C10orf67: variants seen among roughly 807,000 people sequenced by gnomAD.
C10orf67 encodes the protein chromosome 10 open reading frame 67, also known as uncharacterized protein C10orf67, mitochondrial.
In C10orf67, 60 loss-of-function variants were observed where a neutral mutation model predicts 35.6. That is an observed-to-expected ratio of 1.68 (90% CI 1.37 to 2.09). C10orf67 has a LOEUF of 2.09. Ranked by LOEUF, C10orf67 falls within the 30% of genes most tolerant of loss-of-function variation. The pLI, the probability that C10orf67 is intolerant of heterozygous loss-of-function variation, is 0.00. For missense variants in C10orf67, 474 were observed against 330.2 expected, an observed-to-expected ratio of 1.44 and a Z score of -3.38; for synonymous variants, 167 against 115.8, an observed-to-expected ratio of 1.44 and a Z score of -2.84.
intron 4 of C10orf67, 32 bp from the exon 5 acceptor site, chr10:23,303,491 A>G: frequency 2.1e-6 from 1 of 478,688 alleles, no homozygotes; most frequent in Non-Finnish European, 3.8e-6. Context: ...ATTAAAAATT[A>G]GACACTAAGC....
At chr10:23,254,473 G>T (rs1473311953) in intron 10 of C10orf67, among the ~76,000 whole-genome samples, 1 of 151,644 alleles carries the variant, frequency 6.6e-6, no homozygotes, top group African/African-American at 2.4e-5. Flanking sequence ...GCCTCCTAAA[G>T]TGCTGGGATT....
At chr10:23,318,976 G>T in intron 4 of C10orf67, 1 of 744,788 alleles carries the variant, frequency 1.3e-6, no homozygotes, top group South Asian at 1.4e-5. Context: ...GAAAAAGAAA[G>T]GGTCTTCCAT....
chr10:23,298,747 T>G (rs1331926229), intron 5 of C10orf67, among the ~76,000 whole-genome samples: 1 of 149,320 alleles, frequency 6.7e-6, no homozygotes, highest in Non-Finnish European at 1.5e-5. Context: ...AGAGCTGAGC[T>G]TTTGGTTTGG....
chr10:23,280,590 A>G (rs1337069417), intron 8 of C10orf67, among the ~76,000 whole-genome samples: 1 of 152,150 alleles, frequency 6.6e-6, no homozygotes, highest in Non-Finnish European at 1.5e-5. Flanking sequence ...CTCCTAGACT[A>G]GTCTAGGCAT....
intron 1 of C10orf67, among the ~76,000 whole-genome samples, chr10:23,341,373 T>C (rs910154425): frequency 2.0e-5 from 3 of 152,212 alleles, no homozygotes; most frequent in African/African-American, 7.2e-5. Flanking sequence ...TCCGGGTTAC[T>C]GGCAATTCCA....
chr10:23,208,814 C>T (rs72802159), intron 15 of C10orf67, among the ~76,000 whole-genome samples: 27,627 of 152,034 alleles, frequency 0.18, 2,784 homozygotes, highest in Admixed American at 0.29. Context: ...GTGACCCCAG[C>T]GGAGACTTGA....
At chr10:23,232,913 T>C (rs988216114) in intron 13 of C10orf67, among the ~76,000 whole-genome samples, 1 of 152,096 alleles carries the variant, frequency 6.6e-6, no homozygotes, top group Non-Finnish European at 1.5e-5. Flanking sequence ...TCCTAGCACT[T>C]TGGGAGGCTG....
rs1268878018 is a variant in C10orf67, at chr10:23,330,609, C to G, written c.327+2453G>C. Among the ~76,000 whole-genome samples, 5 of 150,590 alleles carry G rather than the reference C, an allele frequency of 3.3e-5. No homozygotes were observed. The East Asian group carries it at 9.8e-4, about 30-fold the overall frequency. On this transcript the variant is annotated intron_variant, in intron 2 of 15. Coordinates refer to ENST00000636213, the MANE Select transcript of C10orf67 (RefSeq NM_001371909.1). ...TAAAAAATTAGCCGGGCGTGGTGGCCGGCGCCTGTAGTCCCAGCTACTCGG... is the reference window on the plus strand; with the variant it reads ...TAAAAAATTAGCCGGGCGTGGTGGCGGGCGCCTGTAGTCCCAGCTACTCGG...
chr10:23,265,202 C>T lies in C10orf67; in HGVS notation c.1200+1060G>A, dbSNP rs551563051. Among the ~76,000 whole-genome samples the T allele has an allele frequency of 2.6e-5, 4 of 152,232 alleles. No homozygotes were observed. In the South Asian group the frequency reaches 8.3e-4, roughly 31 times the overall value. The stretch of plus-strand genomic sequence containing the variant: ...GAGTGACTTCCAGTAGCGCAACAAG[C>T]CTGGCCTTGCTCTACTTGCTCCCTC... On this transcript the variant is annotated intron_variant, in intron 10 of 15. Coordinates refer to ENST00000636213, the MANE Select transcript of C10orf67 (RefSeq NM_001371909.1).
At chr10:23,312,404 T>C (rs976307878) in intron 4 of C10orf67, among the ~76,000 whole-genome samples, 7 of 152,202 alleles carry the variant, frequency 4.6e-5, no homozygotes, top group Non-Finnish European at 7.3e-5. Context: ...TTCATAATTT[T>C]TTGAGCATTT....
intron 1 of C10orf67, 133 bp downstream of exon 1, chr10:23,344,436 G>GA: frequency 1.1e-6 from 1 of 896,696 alleles, no homozygotes; most frequent in Non-Finnish European, 1.7e-6. Flanking sequence ...TTCCCCACAA[G>GA]ACTCCCACAG....
chr10:23,317,370 AG>A (rs1300805129), intron 4 of C10orf67: 1 of 152,300 alleles, frequency 6.6e-6, no homozygotes, highest in Non-Finnish European at 1.5e-5. Context: ...CCAAGAGCAC[AG>A]GGATGCCTGG....
intron 12 of C10orf67, among the ~76,000 whole-genome samples, chr10:23,248,578 A>G (rs1842372477): frequency 6.6e-6 from 1 of 152,188 alleles, no homozygotes; most frequent in African/African-American, 2.4e-5. Flanking sequence ...CATCTACTAA[A>G]CAAAAATGAG....
rs1845005201 is a variant in C10orf67, at chr10:23,322,653, G to A, written c.328-116C>T. On this transcript the variant is annotated intron_variant, in intron 2 of 15. Transcript: ENST00000636213. ...GATGAGAACTCATGTGCACAAAGAG[G>A]GGAGCAACACACACTGGGGCCTACT... The A allele has an allele frequency of 2.6e-5, 17 of 644,820 alleles. No homozygotes were observed. In the South Asian group the frequency reaches 3.2e-4, roughly 12 times the overall value. The allele number at this position is 644,820 out of a possible 1,614,324, so 39.9% of individuals were successfully genotyped here. A position where few individuals can be genotyped will look rare whatever the true frequency, so the allele number is the denominator to read the frequency against.
At chr10:23,344,073 T>G in intron 1 of C10orf67, 1 of 253,736 alleles carries the variant, frequency 3.9e-6, no homozygotes, top group Non-Finnish European at 8.5e-6. Flanking sequence ...CGGCGTCCGT[T>G]GCCATGGCGA....
intron 5 of C10orf67, among the ~76,000 whole-genome samples, chr10:23,301,998 T>C (rs1844094913): frequency 6.6e-6 from 1 of 151,934 alleles, no homozygotes; most frequent in Non-Finnish European, 1.5e-5. Flanking sequence ...AAGTCAGCGG[T>C]GGGTCTGCGA....
At chr10:23,290,058 CA>C (rs1843673834) in intron 6 of C10orf67, 100 bp from the exon 7 acceptor site, 4 of 665,678 alleles carry the variant, frequency 6.0e-6, no homozygotes, top group Non-Finnish European at 1.1e-5. Flanking sequence ...CACTAGCAGG[CA>C]TAGTGGACAC....
chr10:23,269,835 G>C (rs1347590946), intron 8 of C10orf67, among the ~76,000 whole-genome samples: 1 of 151,908 alleles, frequency 6.6e-6, no homozygotes, highest in Non-Finnish European at 1.5e-5. Context: ...AGGGCATAAC[G>C]ATCACAAACG....
rs551521249 is a variant in C10orf67 at position 23,220,895 on chromosome 10, A to G, written c.1570+2703T>C. Among the ~76,000 whole-genome samples, 8 of 152,322 alleles carry G rather than the reference A, an allele frequency of 5.3e-5. No individual in the cohort carries two copies. In the East Asian group the frequency reaches 1.3e-3, roughly 26 times the overall value. The stretch of plus-strand genomic sequence containing the variant: ...TTTGATGCCAATATGAGGATTCTGT[A>G]ACAGAAACGATAATATTCCATAGGA... On this transcript the variant is annotated intron_variant, in intron 15 of 15. Coordinates refer to ENST00000636213, the MANE Select transcript of C10orf67 (RefSeq NM_001371909.1).
Sources: gnomAD v4.1 joint callset for allele counts (sites outside exome capture counted in the v4.1 genomes callset) on GRCh38, gnomAD v4.1.1 for gene constraint, MANE v1.5 for transcripts, NCBI Gene and HGNC (gene_info 2026-07-23, HGNC 2026-07-21) for gene names.